Variants in C8orf34 observed in about 807,000 individuals in gnomAD.
C8orf34 encodes the protein uncharacterized protein C8orf34.
A neutral mutation model predicts 68.3 loss-of-function variants in C8orf34; 65 were observed. The observed-to-expected ratio is 0.95, with a 90% CI of 0.78 to 1.17. The LOEUF is 1.17. C8orf34 is among the 50% of genes most tolerant of loss of function. The pLI is 0.00. For missense variants in C8orf34, 664 were observed against 655.4 expected (o/e 1.01, Z -0.14); for synonymous variants, 244 against 241.2 (o/e 1.01, Z -0.11).
intron 7 of C8orf34, among the ~76,000 whole-genome samples, chr8:68,604,704 T>C (rs6472409): frequency 0.27 from 40,801 of 151,950 alleles, 7,649 homozygotes; most frequent in African/African-American, 0.54. Flanking sequence ...TCATAACAAT[T>C]AATTCAAAAT....
intron 1 of C8orf34, among the ~76,000 whole-genome samples, chr8:68,430,021 C>A (rs1027503693): frequency 1.3e-5 from 2 of 152,108 alleles, no homozygotes; most frequent in Non-Finnish European, 2.9e-5. Flanking sequence ...AGGTGGAGGG[C>A]TGCTTGCCAG....
intron 7 of C8orf34, among the ~76,000 whole-genome samples, chr8:68,639,311 C>T (rs561117661): frequency 6.6e-6 from 1 of 152,200 alleles, no homozygotes; most frequent in East Asian, 1.9e-4. Context: ...GACAACAAGG[C>T]TTTCACTTGG....
At chr8:68,351,306 T>C (rs2129618545) in intron 1 of C8orf34, among the ~76,000 whole-genome samples, 1 of 152,236 alleles carries the variant, frequency 6.6e-6, no homozygotes, top group South Asian at 2.1e-4. Context: ...TTCTGGCTTG[T>C]AGGGTTTCAG....
Position 68,776,442 on chromosome 8 carries a change from T to A in C8orf34, c.1448T>A (p.Met483Lys), listed in dbSNP as rs754036633. 5.6e-6 allele frequency: 9 copies of A among 1,612,420 alleles called. No homozygotes were observed. Among genetic ancestry groups the A allele is most frequent in the African/African-American group, 1.3e-5 (1 of 74,884 alleles). The change falls in exon 11 of 14, where the codon ATG becomes AAG. Residue 483 changes from methionine to lysine, a missense_variant. By Grantham distance (95) the Met-to-Lys change is moderately conservative. Coordinates refer to ENST00000518698, the MANE Select transcript of C8orf34 (RefSeq NM_052958.4). ...GTAGGACACTCACTGAAAAACTACA[T>A]GGAAGAAGTGAGTTTTAAGGTTGCT... ...SGVGHSLKNY[M>K]EEDESLKQLQ...
chr8:68,752,141 T>C (rs1382336444), intron 10 of C8orf34, among the ~76,000 whole-genome samples: 1 of 152,238 alleles, frequency 6.6e-6, no homozygotes, highest in Non-Finnish European at 1.5e-5. Context: ...AGACTTCCTT[T>C]AAGAGAGGGA....
At chr8:68,542,876 G>A (rs1815747789) in intron 7 of C8orf34, among the ~76,000 whole-genome samples, 1 of 152,032 alleles carries the variant, frequency 6.6e-6, no homozygotes, top group Non-Finnish European at 1.5e-5. Context: ...AAACCTGATT[G>A]TTCCTTTAGA....
At position 68,528,169 on chromosome 8, in the gene C8orf34, C is replaced by T. The variant is rs74608691; in HGVS notation, c.939-4814C>T. On this transcript the variant is annotated intron_variant, in intron 6 of 13. Coordinates refer to ENST00000518698, the MANE Select transcript of C8orf34 (RefSeq NM_052958.4). The stretch of plus-strand genomic sequence containing the variant: ...AGTCAGCGTCAACATCATCGGTGAT[C>T]CTTCCCCAAACCTGGCCTCTCACTT... Among the ~76,000 whole-genome samples, 3 of 152,296 alleles carry T rather than the reference C, an allele frequency of 2.0e-5. No individual in the cohort carries two copies. In the East Asian group the frequency reaches 5.8e-4, roughly 29 times the overall value.
In C8orf34 at chr8:68,719,207, T is replaced by C. The variant is rs1821561515; in HGVS notation, c.1328-2154T>C. The stretch of plus-strand genomic sequence containing the variant: ...GCTTGTTAGATTGGTACCCTATTAT[T>C]AGATTTGGGCTATTTGGCAGTATCC... On this transcript the variant is annotated intron_variant, in intron 9 of 13. Transcript: ENST00000518698. 2.0e-5 allele frequency among the ~76,000 whole-genome samples: 3 copies of C among 152,098 alleles called. No individual in the cohort carries two copies. In the South Asian group the frequency reaches 6.2e-4, roughly 32 times the overall value.
At chr8:68,342,679 C>T (rs1300216896) in intron 1 of C8orf34, among the ~76,000 whole-genome samples, 5 of 152,136 alleles carry the variant, frequency 3.3e-5, no homozygotes, top group East Asian at 3.9e-4. Context: ...CTTTGTCCAG[C>T]GTCCCCACAC....
intron 5 of C8orf34, among the ~76,000 whole-genome samples, chr8:68,511,255 G>A (rs908012166): frequency 6.6e-6 from 1 of 152,152 alleles, no homozygotes; most frequent in Admixed American, 6.5e-5. Context: ...CTCGTGGATG[G>A]AGCAATGGTG....
chr8:68,751,231 T>G (rs1289973977), intron 10 of C8orf34, among the ~76,000 whole-genome samples: 1 of 152,142 alleles, frequency 6.6e-6, no homozygotes, highest in Non-Finnish European at 1.5e-5. Context: ...AACATGACAG[T>G]TCTTAGCTCA....
At chr8:68,594,070 G>A (rs1484398421) in intron 7 of C8orf34, among the ~76,000 whole-genome samples, 1 of 151,812 alleles carries the variant, frequency 6.6e-6, no homozygotes, top group African/African-American at 2.4e-5. Context: ...ACTTTTTTGG[G>A]GGCCATAGAG....
chr8:68,672,636 G>A (rs1227013933), intron 8 of C8orf34, among the ~76,000 whole-genome samples: 1 of 152,134 alleles, frequency 6.6e-6, no homozygotes. Flanking sequence ...AGCAAGCCTT[G>A]CCTCCATGGG....
At chr8:68,476,037 T>A (rs1812602547) in intron 4 of C8orf34, among the ~76,000 whole-genome samples, 1 of 152,144 alleles carries the variant, frequency 6.6e-6, no homozygotes, top group Non-Finnish European at 1.5e-5. Flanking sequence ...TTTTAGTGAG[T>A]CAGTCAGGAA....
chr8:68,464,711 A>G (rs1474557252), intron 3 of C8orf34, among the ~76,000 whole-genome samples: 8 of 150,486 alleles, frequency 5.3e-5, no homozygotes, highest in African/African-American at 1.9e-4. Context: ...AGGATTCCCT[A>G]TTTAATAAAT....
chr8:68,775,098 G>C (rs1458204444), intron 10 of C8orf34, among the ~76,000 whole-genome samples: 5 of 149,864 alleles, frequency 3.3e-5, no homozygotes, highest in African/African-American at 1.2e-4. Context: ...AAGAGTATCA[G>C]ACTAGAATCC....
At chr8:68,416,259 A>G (rs1256389973) in intron 1 of C8orf34, among the ~76,000 whole-genome samples, 4 of 152,160 alleles carry the variant, frequency 2.6e-5, no homozygotes, top group Admixed American at 2.6e-4. Flanking sequence ...TCGTGGCAGC[A>G]TCTGATCCCC....
At chr8:68,514,062 G>A (rs1814398927) in intron 5 of C8orf34, among the ~76,000 whole-genome samples, 1 of 152,260 alleles carries the variant, frequency 6.6e-6, no homozygotes, top group East Asian at 1.9e-4. Context: ...TTAAAGATGA[G>A]GTTCTTTGTC....
chr8:68,430,164 C>A (rs982334611), intron 1 of C8orf34, among the ~76,000 whole-genome samples: 3 of 151,920 alleles, frequency 2.0e-5, no homozygotes, highest in Admixed American at 6.6e-5. Context: ...TGTAATGAAA[C>A]CTCCATTAAA....
Sources: allele counts gnomAD v4.1 joint callset (sites outside exome capture counted in the v4.1 genomes callset), GRCh38; gene constraint gnomAD v4.1.1; transcripts MANE v1.5; gene names NCBI Gene and HGNC (gene_info 2026-07-23, HGNC 2026-07-21).